UBE2V2: variants seen among roughly 807,000 people sequenced by gnomAD.
UBE2V2 encodes the protein ubiquitin conjugating enzyme E2 V2, also known as ubiquitin-conjugating enzyme E2 variant 2.
A neutral mutation model predicts 17.2 loss-of-function variants in UBE2V2; 9 were observed. The observed-to-expected ratio is 0.52, with a 90% CI of 0.32 to 0.91. The LOEUF (loss-of-function observed/expected upper bound fraction) is 0.91. UBE2V2 is among the 40% of genes least tolerant of loss of function. UBE2V2 has a pLI of 0.04. For missense variants in UBE2V2, 133 were observed against 182.6 expected, an observed-to-expected ratio of 0.73 and a Z score of 1.56; for synonymous variants, 61 against 57.5, an observed-to-expected ratio of 1.06 and a Z score of -0.28.
intron 1 of UBE2V2, among the ~76,000 whole-genome samples, chr8:48,039,424 A>C (rs562286836): frequency 6.6e-6 from 1 of 152,298 alleles, no homozygotes; most frequent in Admixed American, 6.5e-5. Context: ...TTCCCTGATT[A>C]CTGATGAGGT....
intron 1 of UBE2V2, chr8:48,042,197 G>A (rs2091468242): frequency 6.6e-6 from 1 of 152,050 alleles, no homozygotes; most frequent in Admixed American, 6.6e-5. Context: ...TTACTTGAAA[G>A]GTTTTCTGTC....
At chr8:48,047,406 C>G (rs866580462) in intron 2 of UBE2V2, among the ~76,000 whole-genome samples, 7 of 152,224 alleles carry the variant, frequency 4.6e-5, no homozygotes, top group African/African-American at 1.7e-4. Flanking sequence ...CTGTCCCCAT[C>G]TTTAAAATAG....
chr8:48,046,867 C>T (rs543108635), intron 2 of UBE2V2, among the ~76,000 whole-genome samples: 2 of 151,812 alleles, frequency 1.3e-5, no homozygotes, highest in African/African-American at 2.4e-5. Flanking sequence ...TCCCAAAGTG[C>T]TAGGATTATA....
intron 2 of UBE2V2, among the ~76,000 whole-genome samples, chr8:48,048,143 C>A (rs946122428): frequency 6.6e-6 from 1 of 152,126 alleles, no homozygotes; most frequent in African/African-American, 2.4e-5. Context: ...GCTCCCTTTG[C>A]GCTTTCCCAC....
chr8:48,017,727 C>A lies in UBE2V2; in HGVS notation c.16+9257C>A, dbSNP rs1397867562. The stretch of plus-strand genomic sequence containing the variant: ...CAGGAGATTTTTAGTTTTATGTGAT[C>A]CAAATTGTCTGTTTTTGCTTTTGTT... On this transcript the variant is annotated intron_variant, in intron 1 of 3. Transcript: ENST00000523111. Among the ~76,000 whole-genome samples the A allele has an allele frequency of 5.9e-5, 9 of 152,060 alleles. No homozygotes were observed. In the East Asian group the frequency reaches 1.7e-3, roughly 29 times the overall value.
At chr8:48,046,165 G>T (rs967177882) in intron 2 of UBE2V2, among the ~76,000 whole-genome samples, 1 of 151,964 alleles carries the variant, frequency 6.6e-6, no homozygotes, top group African/African-American at 2.4e-5. Context: ...AGTCGCTCAG[G>T]CTGGAGTGCA....
chr8:48,047,952 A>AT (rs1389488654), intron 2 of UBE2V2, among the ~76,000 whole-genome samples: 5 of 148,508 alleles, frequency 3.4e-5, no homozygotes, highest in South Asian at 2.1e-4. Context: ...TTGGGATTAA[A>AT]TTTTTTTTTG....
At chr8:48,035,632 TGTGTGTG>T (rs1196304997) in intron 1 of UBE2V2, among the ~76,000 whole-genome samples, 3 of 89,050 alleles carry the variant, frequency 3.4e-5, no homozygotes, top group African/African-American at 1.3e-4. Flanking sequence ...TTTTTTTTTT[TGTGTGTG>T]TGTGTGTGTG....
At chr8:48,000,233 C>G in the UBE2V2 span, among the ~76,000 whole-genome samples, 52 of 152,122 alleles carry the variant, frequency 3.4e-4, no homozygotes, top group Non-Finnish European at 6.8e-4. Context: ...ATTGTGCAAC[C>G]CTTGCTGACA....
intron 3 of UBE2V2, among the ~76,000 whole-genome samples, chr8:48,058,667 T>C (rs2091588952): frequency 6.6e-6 from 1 of 152,176 alleles, no homozygotes; most frequent in South Asian, 2.1e-4. Context: ...TTGGTCTTTA[T>C]TAAATATGAT....
At chr8:48,046,620 G>T (rs1022862293) in intron 2 of UBE2V2, among the ~76,000 whole-genome samples, 1 of 152,034 alleles carries the variant, frequency 6.6e-6, no homozygotes, top group Admixed American at 6.6e-5. Context: ...ATTTTATTTT[G>T]AGATAGTCTC....
At chr8:48,030,141 A>T (rs2091372977) in intron 1 of UBE2V2, among the ~76,000 whole-genome samples, 1 of 152,222 alleles carries the variant, frequency 6.6e-6, no homozygotes. Flanking sequence ...TCTGTAGTGT[A>T]TCCAGGTGAA....
At chr8:48,034,944 T>G in intron 1 of UBE2V2, 3 of 883,740 alleles carry the variant, frequency 3.4e-6, no homozygotes, top group Non-Finnish European at 4.1e-6. Context: ...CCCTGCAGCC[T>G]CTCCAGGTGG....
intron 1 of UBE2V2, among the ~76,000 whole-genome samples, chr8:48,041,282 G>A (rs1433557540): frequency 1.3e-5 from 2 of 151,084 alleles, no homozygotes; most frequent in African/African-American, 2.4e-5. Flanking sequence ...AAATGTTCCA[G>A]ACCAGTCTGG....
chr8:48,018,193 A>C (rs1435469723), intron 1 of UBE2V2, among the ~76,000 whole-genome samples: 1 of 152,162 alleles, frequency 6.6e-6, no homozygotes, highest in African/African-American at 2.4e-5. Flanking sequence ...TCCTAGAAAG[A>C]GCAATAAGAC....
chr8:48,008,310 G>C, upstream of UBE2V2: 1 of 1,110,164 alleles, frequency 9.0e-7, no homozygotes, highest in East Asian at 3.3e-5. Context: ...CGACCCCTCG[G>C]CCCACGTGCG....
intron 1 of UBE2V2, among the ~76,000 whole-genome samples, chr8:48,026,557 G>A (rs1028206185): frequency 2.0e-5 from 3 of 152,156 alleles, no homozygotes; most frequent in African/African-American, 4.8e-5. Context: ...AAGAAACTCT[G>A]TACCCTTTAG....
rs936501622 is a variant in UBE2V2, at chr8:48,064,177, C to T, written c.*3349C>T. 6.6e-6 allele frequency: 1 copy of T among 152,054 alleles called. No homozygotes were observed. The highest frequency in any genetic ancestry group is 2.4e-5 in the African/African-American group (1 of 41,392). The allele number at this position is 152,054 out of a possible 1,614,324, so 9.4% of individuals were successfully genotyped here. A position where few individuals can be genotyped will look rare whatever the true frequency, so the allele number is the denominator to read the frequency against. The stretch of plus-strand genomic sequence containing the variant: ...ATTTTGGAGGCATTTCAGGAATTTT[C>T]CTTTTATAGTATGCTTTTTAGGCAT... On this transcript the variant is annotated 3_prime_UTR_variant, in exon 4 of 4. Transcript: ENST00000523111.
chr8:48,006,512 CT>C (rs2091183887), upstream of UBE2V2, among the ~76,000 whole-genome samples: 2 of 152,050 alleles, frequency 1.3e-5, no homozygotes, highest in African/African-American at 4.8e-5. Flanking sequence ...CTCAATACCC[CT>C]GATGAACATT....
Sources: allele counts gnomAD v4.1 joint callset (sites outside exome capture counted in the v4.1 genomes callset), GRCh38; gene constraint gnomAD v4.1.1; transcripts MANE v1.5; gene names NCBI Gene and HGNC (gene_info 2026-07-23, HGNC 2026-07-21).